PGAP1: variants seen among roughly 807,000 people sequenced by gnomAD.
PGAP1 encodes GPI inositol-deacylase.
PGAP1 carries 76 observed loss-of-function variants against 127.0 expected under a neutral mutation model. That is an observed-to-expected ratio of 0.60 (90% CI 0.50 to 0.72). PGAP1 has a LOEUF of 0.72. Among genes scored for constraint, PGAP1 ranks in the 30% least tolerant of loss-of-function variants. PGAP1 has a pLI of 0.00. For missense variants in PGAP1, 982 were observed against 1,071.3 expected, an observed-to-expected ratio of 0.92 and a Z score of 1.16; for synonymous variants, 362 against 366.5, an observed-to-expected ratio of 0.99 and a Z score of 0.14.
chr2:196,863,373 T>C (rs1243369095), intron 20 of PGAP1, among the ~76,000 whole-genome samples: 1 of 152,178 alleles, frequency 6.6e-6, no homozygotes, highest in African/African-American at 2.4e-5. Flanking sequence ...ATATACATAA[T>C]GGAATATTAT....
At chr2:196,869,634 C>T (rs937772468) in intron 19 of PGAP1, among the ~76,000 whole-genome samples, 1 of 152,066 alleles carries the variant, frequency 6.6e-6, no homozygotes, top group African/African-American at 2.4e-5. Context: ...GCACCCGGCC[C>T]AACATTTTAT....
chr2:196,868,758 GAA>G (rs1302061350), intron 19 of PGAP1, among the ~76,000 whole-genome samples: 2 of 152,154 alleles, frequency 1.3e-5, no homozygotes, highest in East Asian at 3.9e-4. Context: ...TTAACTTTAT[GAA>G]AAGTTATCTA....
chr2:196,875,483 T>C (rs1392903577), intron 14 of PGAP1, among the ~76,000 whole-genome samples: 3 of 152,126 alleles, frequency 2.0e-5, no homozygotes, highest in Non-Finnish European at 4.4e-5. Flanking sequence ...TAAGGGCCAA[T>C]AGGATAAATT....
chr2:196,841,360 C>T lies in PGAP1; in HGVS notation c.2643G>A (p.Lys881=), dbSNP rs776985592. 3 of 1,612,924 alleles carry T rather than the reference C, an allele frequency of 1.9e-6. No individual in the cohort carries two copies. In the Admixed American group the frequency reaches 5.0e-5, roughly 27 times the overall value. ...GAGGAAGTGGAAATTGTGAAGTAGT[C>T]TTCAACAATTTACTGTAAAGAGACA... is the stretch of plus-strand genomic sequence containing the variant. ...TVSIKSSKLL[K]TTSQFPLPLA... is the part of the protein sequence containing the mutation. Residue 881 remains lysine (K), a synonymous_variant, in exon 27 of 27, where the codon AAG becomes AAA. Transcript: ENST00000354764.
At chr2:196,856,683 A>G (rs1700893906) in intron 20 of PGAP1, among the ~76,000 whole-genome samples, 1 of 152,234 alleles carries the variant, frequency 6.6e-6, no homozygotes, top group African/African-American at 2.4e-5. Flanking sequence ...CAGGATGAGA[A>G]GTTGACACTT....
chr2:196,900,869 G>C (rs11887433), intron 5 of PGAP1, among the ~76,000 whole-genome samples: 2,171 of 152,278 alleles, frequency 0.014, 47 homozygotes, highest in African/African-American at 0.05. Context: ...AGAGCTTGCA[G>C]TGAGCGGAGA....
At chr2:196,847,311 A>G (rs1050397157) in intron 21 of PGAP1, 111 bp from the exon 22 acceptor site, 2 of 764,574 alleles carry the variant, frequency 2.6e-6, no homozygotes, top group African/African-American at 3.5e-5. Context: ...CATGATACTT[A>G]ATTTATAATT....
intron 22 of PGAP1, 107 bp downstream of exon 22, chr2:196,846,896 T>C (rs1455411319): frequency 1.0e-6 from 1 of 953,042 alleles, no homozygotes; most frequent in Non-Finnish European, 1.5e-6. Flanking sequence ...AGTTATATAT[T>C]TTTCCTTAGA....
intron 17 of PGAP1, 161 bp from the exon 18 acceptor site, chr2:196,872,710 T>C: frequency 1.6e-6 from 1 of 618,384 alleles, no homozygotes. Context: ...CACAATTGTT[T>C]GAATGCTCCC....
chr2:196,884,855 T>C (rs992512232), intron 12 of PGAP1, among the ~76,000 whole-genome samples: 5 of 152,210 alleles, frequency 3.3e-5, no homozygotes, highest in African/African-American at 7.2e-5. Context: ...TTTTCAACAA[T>C]AGATTTTGAG....
Position 196,920,120 on chromosome 2 carries a change from G to A in PGAP1, c.178C>T (p.Arg60Cys), listed in dbSNP as rs747412257. Residue 60 changes from arginine to cysteine, a missense_variant, in exon 2 of 27, where the codon CGC becomes TGC. Arg to Cys is a radical substitution (Grantham distance 180). Coordinates refer to ENST00000354764, the MANE Select transcript of PGAP1 (RefSeq NM_024989.4). ...KIELPKKLAKRYPAYELYLYG... is the reference protein window; with the variant it reads ...KIELPKKLAKCYPAYELYLYG... Reference sequence around the variant, plus strand: ...AGATACAACTCATATGCGGGATAGCGTTTTGCCAGTTTCTTTGGAAGTTCT... The same window carrying A: ...AGATACAACTCATATGCGGGATAGCATTTTGCCAGTTTCTTTGGAAGTTCT... 14 of 1,606,830 alleles carry A rather than the reference G, an allele frequency of 8.7e-6. No homozygotes were observed. Among genetic ancestry groups the A allele is most frequent in the Admixed American group, 8.5e-5 (5 of 58,872 alleles).
chr2:196,918,438 C>T (rs942370413), intron 2 of PGAP1, among the ~76,000 whole-genome samples: 4 of 151,858 alleles, frequency 2.6e-5, no homozygotes, highest in Non-Finnish European at 5.9e-5. Context: ...TTTATTCTGT[C>T]CAAAGACAGA....
At chr2:196,882,333 G>A (rs1011326244) in intron 12 of PGAP1, among the ~76,000 whole-genome samples, 2 of 152,070 alleles carry the variant, frequency 1.3e-5, no homozygotes, top group African/African-American at 4.8e-5. Flanking sequence ...GCTTTACTGA[G>A]CTCTTTTTTG....
Position 196,872,562 on chromosome 2 carries a change from C to T in PGAP1, c.1620-13G>A. 6.5e-7 allele frequency: 1 copy of T among 1,543,814 alleles called. No homozygotes were observed. The highest frequency in any genetic ancestry group is 9.0e-7 in the Non-Finnish European group (1 of 1,116,754). On this transcript the variant is annotated splice_polypyrimidine_tract_variant and intron_variant, in intron 17 of 26. Coordinates refer to ENST00000354764, the MANE Select transcript of PGAP1 (RefSeq NM_024989.4). ...GGAAGATGGAGCCCTGAAGAGATAA[C>T]TTAAATATCAATTCTCAAATACAAA...
rs765710378 is a variant in PGAP1, at chr2:196,920,158, T to C, written c.148-8A>G. ...CTTTGGAAGTTCTATTTTCTACATTTAAAAAAAAGTAGTTTCACTTTAATC... is the reference window on the plus strand; with the variant it reads ...CTTTGGAAGTTCTATTTTCTACATTCAAAAAAAAGTAGTTTCACTTTAATC... On this transcript the variant is annotated splice_polypyrimidine_tract_variant and splice_region_variant and intron_variant, in intron 1 of 26. Coordinates refer to ENST00000354764, the MANE Select transcript of PGAP1 (RefSeq NM_024989.4). The C allele has an allele frequency of 1.3e-6, 2 of 1,587,376 alleles. No individual in the cohort carries two copies. The highest frequency in any genetic ancestry group is 1.7e-6 in the Non-Finnish European group (2 of 1,169,208).
chr2:196,893,987 C>T (rs530432390), intron 7 of PGAP1, among the ~76,000 whole-genome samples: 1 of 152,330 alleles, frequency 6.6e-6, no homozygotes, highest in Admixed American at 6.5e-5. Flanking sequence ...TCCAGGTCTA[C>T]TAAACCTTTC....
chr2:196,906,853 A>G (rs1702734142), intron 4 of PGAP1, among the ~76,000 whole-genome samples: 1 of 68,614 alleles, frequency 1.5e-5, no homozygotes, highest in African/African-American at 6.6e-5. Context: ...GGGTATCAGC[A>G]ATGGAAGATG....
chr2:196,875,450 ACT>A (rs1458486650), intron 14 of PGAP1, among the ~76,000 whole-genome samples: 8 of 152,172 alleles, frequency 5.3e-5, no homozygotes, highest in Non-Finnish European at 1.2e-4. Flanking sequence ...ATAATTTATA[ACT>A]CTATATTAAA....
rs546053221 is a variant in PGAP1, at chr2:196,879,853, T to C, written c.1350+223A>G. ...TAATTCATAGATTTTGAAAGACTGA[T>C]TGATAAACTGGAACCAGTTCTCACT... On this transcript the variant is annotated intron_variant, in intron 13 of 26. Transcript: ENST00000354764. 5.3e-5 allele frequency among the ~76,000 whole-genome samples: 8 copies of C among 152,290 alleles called. No homozygotes were observed. The South Asian group carries it at 1.5e-3, about 28-fold the overall frequency.
Sources: allele counts gnomAD v4.1 joint callset (sites outside exome capture counted in the v4.1 genomes callset), GRCh38; gene constraint gnomAD v4.1.1; transcripts MANE v1.5; gene names NCBI Gene and HGNC (gene_info 2026-07-23, HGNC 2026-07-21).